Variants in CACNA1C observed in about 807,000 individuals in gnomAD.
CACNA1C encodes the protein calcium voltage-gated channel subunit alpha1 C.
In CACNA1C, 30 loss-of-function variants were observed where a neutral mutation model predicts 229.0. That is an observed-to-expected ratio of 0.13 (90% CI 0.10 to 0.18). CACNA1C has a LOEUF of 0.18. Among genes scored for constraint, CACNA1C ranks in the 10% least tolerant of loss-of-function variants. The pLI is 1.00. For missense variants in CACNA1C, 1,658 were observed against 2,845.0 expected (o/e 0.58, Z 9.49); for synonymous variants, 1,114 against 1,132.5 (o/e 0.98, Z 0.33).
chr12:1,997,762 G>A (rs1593348415), intron 1 of CACNA1C, among the ~76,000 whole-genome samples: 1 of 152,250 alleles, frequency 6.6e-6, no homozygotes, highest in Non-Finnish European at 1.5e-5. Flanking sequence ...CGATATACCA[G>A]GTGACATTAT....
chr12:2,242,434 G>A (rs1481937589), intron 3 of CACNA1C, among the ~76,000 whole-genome samples: 2 of 152,166 alleles, frequency 1.3e-5, no homozygotes, highest in Non-Finnish European at 2.9e-5. Flanking sequence ...TAAAGGTGGC[G>A]GCCACAGCAG....
In CACNA1C at chr12:2,226,145, A is replaced by C. The variant is rs868738043; in HGVS notation, c.477+105715A>C. 4.4e-3 allele frequency among the ~76,000 whole-genome samples: 669 copies of C among 151,342 alleles called. 10 individuals are homozygous for C. Among genetic ancestry groups the C allele is most frequent in the African/African-American group, 0.015 (640 of 41,300 alleles). On this transcript the variant is annotated intron_variant, in intron 3 of 46. Coordinates refer to ENST00000399655, the MANE Select transcript of CACNA1C (RefSeq NM_000719.7). ...GACGCGCACACACACACACACACAC[A>C]CACACACACACACACACACACACAC...
intron 3 of CACNA1C, among the ~76,000 whole-genome samples, chr12:2,279,243 A>G (rs2090144052): frequency 6.6e-6 from 1 of 151,916 alleles, no homozygotes; most frequent in Admixed American, 6.6e-5. Context: ...GTGTTGGTCT[A>G]TTTCTAGACC....
chr12:2,266,279 A>G (rs375193076), intron 3 of CACNA1C, among the ~76,000 whole-genome samples: 1 of 152,180 alleles, frequency 6.6e-6, no homozygotes, highest in Admixed American at 6.5e-5. Flanking sequence ...TACTGGGGGC[A>G]TATGGCCTTG....
intron 1 of CACNA1C, among the ~76,000 whole-genome samples, chr12:1,996,689 C>T (rs11062051): frequency 0.31 from 36,552 of 117,154 alleles, 6,735 homozygotes; most frequent in East Asian, 0.59. Context: ...AAGAAGTTTA[C>T]GAATTTCTGT....
At chr12:2,454,837 G>A (rs1289242130) in intron 4 of CACNA1C, among the ~76,000 whole-genome samples, 5 of 152,112 alleles carry the variant, frequency 3.3e-5, no homozygotes, top group Non-Finnish European at 2.9e-5. Context: ...TGATGGCCTC[G>A]TTCCCCAGTT....
chr12:2,246,175 C>G (rs1360279219), intron 3 of CACNA1C, among the ~76,000 whole-genome samples: 1 of 152,130 alleles, frequency 6.6e-6, no homozygotes, highest in East Asian at 1.9e-4. Flanking sequence ...CAGGGCATGG[C>G]GTGGGGACAG....
intron 3 of CACNA1C, among the ~76,000 whole-genome samples, chr12:2,150,858 A>G (rs2095184089): frequency 1.3e-5 from 2 of 152,206 alleles, no homozygotes; most frequent in African/African-American, 2.4e-5. Context: ...AGAGTGCTAT[A>G]TAAGGTACAG....
chr12:2,522,706 C>T (rs753192776), intron 9 of CACNA1C, among the ~76,000 whole-genome samples: 1 of 152,110 alleles, frequency 6.6e-6, no homozygotes, highest in Non-Finnish European at 1.5e-5. Context: ...CATTTCAGCC[C>T]TCTGGGGCTC....
At chr12:2,001,063 T>C (rs1162084700) in intron 1 of CACNA1C, among the ~76,000 whole-genome samples, 1 of 151,082 alleles carries the variant, frequency 6.6e-6, no homozygotes, top group Non-Finnish European at 1.5e-5. Context: ...AGAGAGATAA[T>C]CAGCTTACAC....
intron 3 of CACNA1C, among the ~76,000 whole-genome samples, chr12:2,223,153 C>T (rs938235585): frequency 1.3e-5 from 2 of 152,156 alleles, no homozygotes; most frequent in Admixed American, 6.5e-5. Context: ...GCATACTGGA[C>T]AATGTTGTCT....
intron 3 of CACNA1C, among the ~76,000 whole-genome samples, chr12:2,129,290 G>T (rs906656497): frequency 6.6e-6 from 1 of 152,202 alleles, no homozygotes; most frequent in African/African-American, 2.4e-5. Context: ...TTCTGGATGG[G>T]TCTGTGCTTC....
rs377570162 is a variant in CACNA1C at position 2,652,914 on chromosome 12, G to T, written c.4075-921G>T. Among the ~76,000 whole-genome samples the T allele has an allele frequency of 1.6e-4, 25 of 152,248 alleles. 1 individual carries two copies. The South Asian group carries it at 5.0e-3, about 30-fold the overall frequency. ...CCCTGCCCCCCCGACATCTCCTGGG[G>T]CTGGGAAGAGGCACAGACCGGGTGA... is the stretch of plus-strand genomic sequence containing the variant. On this transcript the variant is annotated intron_variant, in intron 32 of 46. Coordinates refer to ENST00000399655, the MANE Select transcript of CACNA1C (RefSeq NM_000719.7).
chr12:2,199,287 C>T (rs907970432), intron 3 of CACNA1C, among the ~76,000 whole-genome samples: 3 of 152,136 alleles, frequency 2.0e-5, no homozygotes, highest in Admixed American at 6.5e-5. Context: ...GTCACTTACA[C>T]GTGGATTTCC....
In CACNA1C at chr12:2,662,458, TATA is replaced by T. The variant is rs567340956; in HGVS notation, c.4233-2364_4233-2362del. Among the ~76,000 whole-genome samples, 6 of 152,338 alleles carry T rather than the reference TATA, an allele frequency of 3.9e-5. No individual in the cohort carries two copies. The South Asian group carries it at 1.2e-3, about 32-fold the overall frequency. ...CAGCAAATGGACATAGCTTTTAAAA[TATA>T]ATGTTGAAACTATACCATTTTAAAT... On this transcript the variant is annotated intron_variant, in intron 34 of 46. Transcript: ENST00000399655.
chr12:2,650,053 G>T (rs908816670), intron 31 of CACNA1C, among the ~76,000 whole-genome samples: 2 of 152,176 alleles, frequency 1.3e-5, no homozygotes, highest in Non-Finnish European at 2.9e-5. Context: ...CCGTGCAGCA[G>T]GTCCCGAGTC....
In CACNA1C at chr12:2,053,269, A is replaced by G; in HGVS notation, c.-294A>G. The G allele has an allele frequency of 9.1e-7, 1 of 1,097,544 alleles. No individual in the cohort carries two copies. The highest frequency in any genetic ancestry group is 1.1e-6 in the Non-Finnish European group (1 of 902,290). The allele number at this position is 1,097,544 out of a possible 1,614,324, so 68.0% of individuals were successfully genotyped here. On this transcript the variant is annotated 5_prime_UTR_variant, in exon 1 of 47. The change abolishes the stop of an existing upstream ORF in the 5' untranslated region. Transcript: ENST00000399655. The surrounding 1 kb of genome is among the most constrained non-coding windows in gnomAD (Gnocchi z 5.8). ...CCCGATTTATTTTTTCAAATGGTGT[A>G]GCCGCCGGAGGTGCGGTGCTCAGTT... is the stretch of plus-strand genomic sequence containing the variant.
At chr12:2,530,648 A>G (rs1175414185) in intron 9 of CACNA1C, among the ~76,000 whole-genome samples, 1 of 152,168 alleles carries the variant, frequency 6.6e-6, no homozygotes, top group East Asian at 1.9e-4. Flanking sequence ...GGTTAAAACA[A>G]ATTCAAGGGG....
In CACNA1C at chr12:2,633,327, C is replaced by T. The variant is rs886523928; in HGVS notation, c.3829-970C>T. Among the ~76,000 whole-genome samples, 5 of 152,154 alleles carry T rather than the reference C, an allele frequency of 3.3e-5. No individual in the cohort carries two copies. The highest frequency in any genetic ancestry group is 7.2e-5 in the African/African-American group (3 of 41,442). ...GGCGATTTGCACCACCCACGCCCCC[C>T]ACACCCACTCCTGCCCCTGGTGGGA... On this transcript the variant is annotated intron_variant, in intron 29 of 46. Coordinates refer to ENST00000399655, the MANE Select transcript of CACNA1C (RefSeq NM_000719.7). The surrounding 1 kb of genome is among the most constrained non-coding windows in gnomAD (Gnocchi z 5.8).
Sources: gnomAD v4.1 joint callset for allele counts (sites outside exome capture counted in the v4.1 genomes callset) on GRCh38, gnomAD v4.1.1 for gene constraint, Gnocchi (gnomAD v3.1) non-coding constraint, MANE v1.5 for transcripts, NCBI Gene and HGNC (gene_info 2026-07-23, HGNC 2026-07-21) for gene names.